SNTG2: variants seen among roughly 807,000 people sequenced by gnomAD.
SNTG2 encodes the protein syntrophin gamma 2, also known as gamma-2-syntrophin.
SNTG2 carries 74 observed loss-of-function variants against 70.9 expected under a neutral mutation model. The ratio of observed to expected loss-of-function variants is 1.04; its 90% confidence interval spans 0.86 to 1.27. The LOEUF (loss-of-function observed/expected upper bound fraction) is 1.27. SNTG2 is among the 50% of genes most tolerant of loss of function. The pLI, the probability that SNTG2 is intolerant of heterozygous loss-of-function variation, is 0.00. For missense variants in SNTG2, 717 were observed against 690.7 expected, an observed-to-expected ratio of 1.04 and a Z score of -0.43; for synonymous variants, 278 against 273.8, an observed-to-expected ratio of 1.02 and a Z score of -0.15.
intron 16 of SNTG2, among the ~76,000 whole-genome samples, 160 bp downstream of exon 16, chr2:1,316,535 C>T (rs1459953923): frequency 2.5e-5 from 1 of 39,454 alleles, no homozygotes; most frequent in Non-Finnish European, 6.4e-5. Flanking sequence ...ATAAATACGC[C>T]GAAAGAGCCT....
intron 2 of SNTG2, 119 bp from the exon 3 acceptor site, chr2:1,098,077 G>A (rs536564044): frequency 2.7e-6 from 3 of 1,122,096 alleles, no homozygotes; most frequent in East Asian, 2.4e-5. Context: ...TTTAGCCAAA[G>A]TTGCTTTGGA....
chr2:1,197,744 G>A (rs1673017137), intron 8 of SNTG2, among the ~76,000 whole-genome samples: 1 of 151,882 alleles, frequency 6.6e-6, no homozygotes, highest in Non-Finnish European at 1.5e-5. Flanking sequence ...ATGTTGCCCA[G>A]GATGGTGTCA....
chr2:1,232,339 G>T (rs1473544314), intron 9 of SNTG2, among the ~76,000 whole-genome samples: 1 of 151,812 alleles, frequency 6.6e-6, no homozygotes. Flanking sequence ...AGACTTAGTT[G>T]CCCAGGCCAG....
chr2:956,197 CTGCCA>C (rs1660145866), intron 1 of SNTG2, among the ~76,000 whole-genome samples: 4 of 118,400 alleles, frequency 3.4e-5, no homozygotes, highest in Non-Finnish European at 5.7e-5. Context: ...TACCCCTGCC[CTGCCA>C]CTGCCCCTGC....
chr2:1,240,054 A>G (rs1414268171), intron 11 of SNTG2, among the ~76,000 whole-genome samples: 1 of 152,190 alleles, frequency 6.6e-6, no homozygotes, highest in East Asian at 1.9e-4. Flanking sequence ...TTTGTAAAGA[A>G]TCGTGATTTA....
chr2:1,025,941 C>T (rs776378603), intron 1 of SNTG2, among the ~76,000 whole-genome samples: 2 of 152,192 alleles, frequency 1.3e-5, no homozygotes, highest in African/African-American at 2.4e-5. Flanking sequence ...AATTTGGGCT[C>T]TGCAGGAATA....
intron 1 of SNTG2, among the ~76,000 whole-genome samples, chr2:1,044,807 G>A (rs78584958): frequency 0.19 from 28,359 of 151,946 alleles, 3,053 homozygotes; most frequent in Middle Eastern, 0.26. Flanking sequence ...TTTTGTTGGG[G>A]ATTTTTTCAT....
In SNTG2 at chr2:1,180,513, T is replaced by A. The variant is rs1248598381; in HGVS notation, c.591+7330T>A. On this transcript the variant is annotated intron_variant, in intron 8 of 16. Transcript: ENST00000308624. ...CAGAGAAATGCAAATCAAAACCACA[T>A]TGAGATACCATCTCACACCAGTTAG... Among the ~76,000 whole-genome samples the A allele has an allele frequency of 1.5e-4, 21 of 135,564 alleles. 1 individual carries two copies. Among genetic ancestry groups the A allele is most frequent in the African/African-American group, 3.4e-4 (13 of 37,878 alleles). 88.9% of individuals were successfully genotyped at this position (135,564 alleles called of 152,430 possible). A position where few individuals can be genotyped will look rare whatever the true frequency, so the allele number is the denominator to read the frequency against.
At chr2:1,326,824 C>T (rs537575764) in intron 16 of SNTG2, among the ~76,000 whole-genome samples, 42 of 152,208 alleles carry the variant, frequency 2.8e-4, no homozygotes, top group African/African-American at 9.4e-4. Context: ...TTTATAACCT[C>T]TTACACATTT....
chr2:1,143,597 A>G (rs1182144828), intron 6 of SNTG2, among the ~76,000 whole-genome samples: 7 of 151,600 alleles, frequency 4.6e-5, no homozygotes, highest in African/African-American at 7.3e-5. Flanking sequence ...GGCCAATGTC[A>G]GTGACTCACT....
At chr2:1,208,397 C>T (rs1420720226) in intron 8 of SNTG2, among the ~76,000 whole-genome samples, 1 of 152,188 alleles carries the variant, frequency 6.6e-6, no homozygotes, top group Non-Finnish European at 1.5e-5. Flanking sequence ...TCCCAGCGAG[C>T]CCGGCTCTGA....
At chr2:1,100,119 C>T (rs1558398611) in intron 4 of SNTG2, among the ~76,000 whole-genome samples, 1 of 151,502 alleles carries the variant, frequency 6.6e-6, no homozygotes, top group Non-Finnish European at 1.5e-5. Context: ...GAGAGCTATG[C>T]AGGCCTCTGA....
intron 1 of SNTG2, among the ~76,000 whole-genome samples, chr2:1,063,945 C>T (rs990464674): frequency 7.2e-5 from 11 of 151,932 alleles, no homozygotes; most frequent in African/African-American, 2.7e-4. Flanking sequence ...TCACTGGACC[C>T]CAAATAGCAT....
At chr2:959,715 T>G (rs1660288639) in intron 1 of SNTG2, among the ~76,000 whole-genome samples, 1 of 150,530 alleles carries the variant, frequency 6.6e-6, no homozygotes, top group Admixed American at 6.7e-5. Context: ...GGCTGGAGGC[T>G]GCATCTCGGG....
intron 7 of SNTG2, among the ~76,000 whole-genome samples, chr2:1,168,299 G>A (rs891291347): frequency 4.0e-5 from 6 of 151,230 alleles, no homozygotes; most frequent in Non-Finnish European, 7.4e-5. Flanking sequence ...GCCCACAGAC[G>A]GCAGAACTGA....
chr2:1,250,034 G>A (rs1677660596), intron 12 of SNTG2, among the ~76,000 whole-genome samples: 1 of 152,186 alleles, frequency 6.6e-6, no homozygotes, highest in African/African-American at 2.4e-5. Context: ...AGGACCAGCC[G>A]TGCGTGCCGG....
At chr2:1,179,096 T>G (rs1478760322) in intron 8 of SNTG2, among the ~76,000 whole-genome samples, 1 of 152,188 alleles carries the variant, frequency 6.6e-6, no homozygotes, top group Non-Finnish European at 1.5e-5. Flanking sequence ...TGCATAGAGG[T>G]GTTTGTAGTA....
chr2:1,207,894 A>G (rs1357099867), intron 8 of SNTG2, among the ~76,000 whole-genome samples: 2 of 152,318 alleles, frequency 1.3e-5, no homozygotes, highest in East Asian at 3.9e-4. Flanking sequence ...ACCAATGTGT[A>G]AGGTATGCAT....
chr2:1,364,641 C>T (rs1661378857), intron 16 of SNTG2, among the ~76,000 whole-genome samples: 1 of 151,124 alleles, frequency 6.6e-6, no homozygotes, highest in Non-Finnish European at 1.5e-5. Context: ...GCCTGTAGTC[C>T]CAGCTACTTG....
Sources: gnomAD v4.1 joint callset for allele counts (sites outside exome capture counted in the v4.1 genomes callset) on GRCh38, gnomAD v4.1.1 for gene constraint, MANE v1.5 for transcripts, NCBI Gene and HGNC (gene_info 2026-07-23, HGNC 2026-07-21) for gene names.